Variants in MAPKAP1 observed in about 807,000 individuals in gnomAD.
The protein encoded by MAPKAP1 is target of rapamycin complex 2 subunit MAPKAP1.
MAPKAP1 carries 20 observed loss-of-function variants against 65.7 expected under a neutral mutation model. The observed-to-expected ratio is 0.30, with a 90% CI of 0.21 to 0.44. MAPKAP1 has a LOEUF of 0.44. Among genes scored for constraint, MAPKAP1 ranks in the 20% least tolerant of loss-of-function variants. The pLI is 1.00. For synonymous variants in MAPKAP1, 222 were observed against 244.3 expected (o/e 0.91, Z 0.85); for missense variants, 423 against 648.0 (o/e 0.65, Z 3.77).
chr9:125,693,536 C>T (rs1415966771), intron 1 of MAPKAP1, among the ~76,000 whole-genome samples: 1 of 96,146 alleles, frequency 1.0e-5, no homozygotes, highest in Non-Finnish European at 1.9e-5. Context: ...CACATATACA[C>T]ACACATATAT....
At chr9:125,506,482 ACAC>A in intron 7 of MAPKAP1, 65 bp from the exon 8 acceptor site, 1 of 1,281,362 alleles carries the variant, frequency 7.8e-7, no homozygotes, top group Non-Finnish European at 1.1e-6. Flanking sequence ...CATTTAAAAA[ACAC>A]CACATACTGG....
chr9:125,515,386 A>G (rs1383932205), intron 7 of MAPKAP1, among the ~76,000 whole-genome samples: 1 of 152,230 alleles, frequency 6.6e-6, no homozygotes, highest in Non-Finnish European at 1.5e-5. Context: ...TCTTTGCTAC[A>G]AAGTGCTGTT....
rs1934252 is a variant in MAPKAP1, at chr9:125,699,778, T to C, written c.-70+7193A>G. ...CTGGAACTACAGATGTGCGCCACCA[T>C]GCCTGGCTAATATTTTTGTAGAGAC... On this transcript the variant is annotated intron_variant, in intron 1 of 11. Transcript: ENST00000265960. Among the ~76,000 whole-genome samples, 26 of 152,096 alleles carry C rather than the reference T, an allele frequency of 1.7e-4. No homozygotes were observed. The East Asian group carries it at 1.7e-3, about 10-fold the overall frequency.
At chr9:125,643,690 T>C (rs1214628455) in intron 4 of MAPKAP1, among the ~76,000 whole-genome samples, 1 of 152,178 alleles carries the variant, frequency 6.6e-6, no homozygotes, top group Non-Finnish European at 1.5e-5. Context: ...ACAATGAAAA[T>C]ACATTTGTAT....
chr9:125,576,619 C>T (rs1270305463), intron 5 of MAPKAP1, among the ~76,000 whole-genome samples: 1 of 152,186 alleles, frequency 6.6e-6, no homozygotes, highest in African/African-American at 2.4e-5. Flanking sequence ...AACCTCCCTG[C>T]CTGATTCTCC....
Position 125,672,589 on chromosome 9 carries a change from A to G in MAPKAP1, c.-15T>C. ...AAGAAGGCCATCCTTTCTGTGGGCC[A>G]ATTTCCTTAAAAGGCTATTTTCTCC... On this transcript the variant is annotated 5_prime_UTR_variant, in exon 2 of 12. Transcript: ENST00000265960. The G allele has an allele frequency of 6.2e-7, 1 of 1,612,320 alleles. No individual in the cohort carries two copies.
At chr9:125,446,776 T>A (rs1852733572) in intron 10 of MAPKAP1, among the ~76,000 whole-genome samples, 1 of 152,144 alleles carries the variant, frequency 6.6e-6, no homozygotes, top group African/African-American at 2.4e-5. Flanking sequence ...TAAGACAGCT[T>A]ATGGACTGTC....
At chr9:125,441,207 C>G (rs766072499) in intron 11 of MAPKAP1, among the ~76,000 whole-genome samples, 1 of 152,146 alleles carries the variant, frequency 6.6e-6, no homozygotes, top group African/African-American at 2.4e-5. Flanking sequence ...CACTCAATCA[C>G]GAGAAGAACC....
intron 4 of MAPKAP1, among the ~76,000 whole-genome samples, chr9:125,653,978 G>C (rs775171757): frequency 2.0e-5 from 3 of 152,126 alleles, no homozygotes; most frequent in Non-Finnish European, 4.4e-5. Context: ...AATGCAATTT[G>C]ACCAGAATAG....
chr9:125,635,540 A>C (rs1833399702), intron 4 of MAPKAP1, among the ~76,000 whole-genome samples: 1 of 152,244 alleles, frequency 6.6e-6, no homozygotes, highest in Non-Finnish European at 1.5e-5. Context: ...AAGACCGTTC[A>C]TGAAGCAGCC....
At chr9:125,502,186 C>T (rs924319120) in intron 8 of MAPKAP1, among the ~76,000 whole-genome samples, 1 of 151,900 alleles carries the variant, frequency 6.6e-6, no homozygotes, top group African/African-American at 2.4e-5. Flanking sequence ...ACTGCAACCT[C>T]CACCTCCCAG....
At chr9:125,527,730 G>A (rs747529522) in intron 7 of MAPKAP1, among the ~76,000 whole-genome samples, 2 of 152,070 alleles carry the variant, frequency 1.3e-5, no homozygotes, top group Non-Finnish European at 2.9e-5. Flanking sequence ...GCACCCTTAC[G>A]TGACTATCAA....
intron 4 of MAPKAP1, among the ~76,000 whole-genome samples, chr9:125,629,823 C>T (rs1315977880): frequency 1.3e-5 from 2 of 152,136 alleles, no homozygotes; most frequent in East Asian, 3.8e-4. Flanking sequence ...ATGGTTCACT[C>T]CCAAACACCT....
At chr9:125,593,628 C>A (rs1832037281) in intron 4 of MAPKAP1, among the ~76,000 whole-genome samples, 1 of 152,026 alleles carries the variant, frequency 6.6e-6, no homozygotes, top group African/African-American at 2.4e-5. Flanking sequence ...TGCCACTGCA[C>A]TTCTGCCTGG....
At chr9:125,501,152 C>T (rs1471607916) in intron 8 of MAPKAP1, among the ~76,000 whole-genome samples, 4 of 152,176 alleles carry the variant, frequency 2.6e-5, no homozygotes, top group Non-Finnish European at 4.4e-5. Flanking sequence ...GTCATGCATG[C>T]TCACCTTAGA....
chr9:125,671,618 T>G (rs1834499428), intron 2 of MAPKAP1, among the ~76,000 whole-genome samples: 3 of 152,132 alleles, frequency 2.0e-5, no homozygotes, highest in Admixed American at 6.6e-5. Flanking sequence ...GTTCATCACA[T>G]TCCCCTTGAA....
At chr9:125,538,554 G>A (rs1307993344) in intron 7 of MAPKAP1, among the ~76,000 whole-genome samples, 1 of 151,916 alleles carries the variant, frequency 6.6e-6, no homozygotes, top group Non-Finnish European at 1.5e-5. Context: ...GGGGTGGGGG[G>A]TTAAGTAAAT....
At chr9:125,477,154 T>C (rs1331083896) in intron 9 of MAPKAP1, among the ~76,000 whole-genome samples, 2 of 152,216 alleles carry the variant, frequency 1.3e-5, no homozygotes, top group African/African-American at 2.4e-5. Context: ...ATAAATCCTA[T>C]ACAGACTCTG....
chr9:125,704,258 T>G (rs1835693009), intron 1 of MAPKAP1, among the ~76,000 whole-genome samples: 1 of 152,222 alleles, frequency 6.6e-6, no homozygotes, highest in African/African-American at 2.4e-5. Flanking sequence ...AGGAAGTTAT[T>G]CAAGGTCTCT....
Sources: gnomAD v4.1 joint callset for allele counts (sites outside exome capture counted in the v4.1 genomes callset) on GRCh38, gnomAD v4.1.1 for gene constraint, MANE v1.5 for transcripts, NCBI Gene and HGNC (gene_info 2026-07-23, HGNC 2026-07-21) for gene names.